The following CELF2 variants were observed in gnomAD, a reference collection of about 807,000 sequenced individuals.
The protein encoded by CELF2 is CUG triplet repeat RNA-binding protein 2.
In CELF2, 8 loss-of-function variants were observed where a neutral mutation model predicts 62.6. That is an observed-to-expected ratio of 0.13 (90% CI 0.07 to 0.23). CELF2 has a LOEUF of 0.23. Among genes scored for constraint, CELF2 ranks in the 10% least tolerant of loss-of-function variants. CELF2 has a pLI of 1.00. For missense variants in CELF2, 333 were observed against 671.0 expected (o/e 0.50, Z 5.56); for synonymous variants, 258 against 250.0 (o/e 1.03, Z -0.30).
In CELF2 at chr10:11,165,406, G is replaced by T; in HGVS notation, c.75-80G>T. On this transcript the variant is annotated intron_variant, in intron 1 of 12. Transcript: ENST00000633077. This position sits in a 1 kb window ranked among gnomAD's most constrained non-coding sequence, Gnocchi z 7.4. Reference sequence around the variant, plus strand: ...TTCTTCCTCCTCCTTCCGCCTCCCCGCTCCCCCACCCCCACTATTTTTTCT... The same window carrying T: ...TTCTTCCTCCTCCTTCCGCCTCCCCTCTCCCCCACCCCCACTATTTTTTCT... 1.4e-6 allele frequency: 2 copies of T among 1,478,596 alleles called. No individual in the cohort carries two copies. The highest frequency in any genetic ancestry group is 1.8e-6 in the Non-Finnish European group (2 of 1,103,600). 91.6% of individuals were successfully genotyped at this position (1,478,596 alleles called of 1,614,324 possible).
intron 1 of CELF2, among the ~76,000 whole-genome samples, chr10:10,820,923 C>T (rs1590790524): frequency 6.6e-6 from 1 of 152,140 alleles, no homozygotes; most frequent in Non-Finnish European, 1.5e-5. Context: ...GAGTGAATCT[C>T]GGAGAGCATT....
chr10:10,821,830 G>T (rs1385588574), intron 1 of CELF2, among the ~76,000 whole-genome samples: 2 of 152,110 alleles, frequency 1.3e-5, no homozygotes, highest in South Asian at 2.1e-4. Flanking sequence ...TTGTAGAAAT[G>T]AGGTCTTGCT....
chr10:11,195,191 A>G (rs536731665), intron 2 of CELF2, among the ~76,000 whole-genome samples: 2 of 152,334 alleles, frequency 1.3e-5, no homozygotes, highest in South Asian at 2.1e-4. Context: ...CAACAGAGTA[A>G]TGTCACACTT....
the CELF2 span, among the ~76,000 whole-genome samples, chr10:10,681,602 A>G: frequency 2.0e-5 from 3 of 152,178 alleles, no homozygotes; most frequent in African/African-American, 7.2e-5. Context: ...GCCATGAAAT[A>G]GTGCTGTTCT....
At chr10:10,766,625 T>C in the CELF2 span, among the ~76,000 whole-genome samples, 7 of 152,314 alleles carry the variant, frequency 4.6e-5, no homozygotes, top group African/African-American at 1.2e-4. Context: ...TAGGTGAGCC[T>C]TGGGGAGAGG....
chr10:11,166,818 G>GGT (rs1396879598), intron 2 of CELF2, among the ~76,000 whole-genome samples: 1 of 152,228 alleles, frequency 6.6e-6, no homozygotes, highest in Non-Finnish European at 1.5e-5. Flanking sequence ...GATAGAACTA[G>GGT]GAAATCTTTA....
intron 9 of CELF2, among the ~76,000 whole-genome samples, chr10:11,303,471 C>T (rs919580335): frequency 5.9e-5 from 9 of 152,222 alleles, no homozygotes; most frequent in Non-Finnish European, 1.0e-4. Context: ...TGCAGTTCCT[C>T]TTTTGAGGAC....
At chr10:10,653,698 T>C in the CELF2 span, among the ~76,000 whole-genome samples, 1 of 144,784 alleles carries the variant, frequency 6.9e-6, no homozygotes, top group East Asian at 2.0e-4. Context: ...TACCAGAATC[T>C]CTGGGATGCA....
chr10:10,600,105 C>T, the CELF2 span, among the ~76,000 whole-genome samples: 2 of 152,274 alleles, frequency 1.3e-5, no homozygotes, highest in Non-Finnish European at 2.9e-5. Flanking sequence ...CCAGTTATTA[C>T]CAGCTAATAG....
At chr10:10,563,280 G>T in the CELF2 span, among the ~76,000 whole-genome samples, 1 of 152,090 alleles carries the variant, frequency 6.6e-6, no homozygotes, top group Non-Finnish European at 1.5e-5. Context: ...AGGGTGGGAG[G>T]ATCTCAGAAG....
chr10:11,314,406 C>A lies in CELF2; in HGVS notation c.1096+148C>A. 1.0e-6 allele frequency: 1 copy of A among 987,630 alleles called. No homozygotes were observed. The highest frequency in any genetic ancestry group is 1.6e-6 in the Non-Finnish European group (1 of 636,030). The allele number at this position is 987,630 out of a possible 1,614,324, so 61.2% of individuals were successfully genotyped here. A position where few individuals can be genotyped will look rare whatever the true frequency, so the allele number is the denominator to read the frequency against. ...ATGGAGGAGCACATGCTTTGATAGG[C>A]AAAAGCTGTCTACACTCGTTTTGCC... is the stretch of plus-strand genomic sequence containing the variant. On this transcript the variant is annotated intron_variant, in intron 10 of 12. Transcript: ENST00000633077. The surrounding 1 kb of genome is among the most constrained non-coding windows in gnomAD (Gnocchi z 5.3).
intron 2 of CELF2, chr10:10,948,142 T>A (rs2047908005): frequency 6.6e-6 from 1 of 152,256 alleles, no homozygotes. Flanking sequence ...GAGAGAGGGA[T>A]GGAAACCACT....
chr10:10,756,354 GCATCAA>G, the CELF2 span, among the ~76,000 whole-genome samples: 1 of 152,128 alleles, frequency 6.6e-6, no homozygotes, highest in Non-Finnish European at 1.5e-5. Context: ...AGTTACTTTT[GCATCAA>G]CCTAATAAAT....
In CELF2 at chr10:11,177,633, G is replaced by T. The variant is rs2071713106; in HGVS notation, c.271+11951G>T. ...CCAGACAGCATGAAGTACCTCAACA[G>T]CAAAGAAGGAAATAGGGGCCTTAGT... On this transcript the variant is annotated intron_variant, in intron 2 of 12. Transcript: ENST00000633077. This position sits in a 1 kb window ranked among gnomAD's most constrained non-coding sequence, Gnocchi z 4.8. Among the ~76,000 whole-genome samples the T allele has an allele frequency of 6.6e-6, 1 of 152,198 alleles. No individual in the cohort carries two copies.
At chr10:10,510,183 G>T in the CELF2 span, among the ~76,000 whole-genome samples, 4 of 152,170 alleles carry the variant, frequency 2.6e-5, no homozygotes, top group African/African-American at 9.7e-5. Context: ...TGATCCCTCT[G>T]GATGGACATT....
rs906127198 is a variant in CELF2, at chr10:11,165,757, G to T, written c.271+75G>T. On this transcript the variant is annotated intron_variant, in intron 2 of 12. Coordinates refer to ENST00000633077, the MANE Select transcript of CELF2 (RefSeq NM_001326342.2). The surrounding 1 kb of genome is among the most constrained non-coding windows in gnomAD (Gnocchi z 7.4). ...GGCACTGGGGCTGTCCGAGCCCCCA[G>T]CCTGCAGGAGGAAGGGCGGGTAGGC... 1.8e-5 allele frequency: 25 copies of T among 1,374,760 alleles called. 1 individual carries two copies. The South Asian group carries it at 3.2e-4, about 17-fold the overall frequency. The allele number at this position is 1,374,760 out of a possible 1,614,324, so 85.2% of individuals were successfully genotyped here. A position where few individuals can be genotyped will look rare whatever the true frequency, so the allele number is the denominator to read the frequency against.
chr10:10,546,819 A>C, the CELF2 span, among the ~76,000 whole-genome samples: 1 of 151,352 alleles, frequency 6.6e-6, no homozygotes. Flanking sequence ...TTAAAACTTC[A>C]TATTCAGCCA....
the CELF2 span, among the ~76,000 whole-genome samples, chr10:10,697,815 T>A: frequency 4.6e-5 from 7 of 152,216 alleles, no homozygotes; most frequent in South Asian, 4.2e-4. Context: ...TGAGACAGGG[T>A]CTTGCTCTGT....
Position 11,165,645 on chromosome 10 carries a change from C to T in CELF2, c.234C>T (p.Val78=), listed in dbSNP as rs777735082. 1.9e-6 allele frequency: 3 copies of T among 1,614,108 alleles called. No homozygotes were observed. Among genetic ancestry groups the T allele is most frequent in the Admixed American group, 1.7e-5 (1 of 60,028 alleles). The change falls in exon 2 of 13, where the codon GTC becomes GTT. Residue 78 remains valine (V), a synonymous_variant. Transcript: ENST00000633077. The surrounding 1 kb of genome is among the most constrained non-coding windows in gnomAD (Gnocchi z 7.4). The part of the protein sequence containing the change: ...EPYGAVYQIN[V]LRDRSQNPPQ... ...ACGGAGCCGTCTACCAGATCAACGTCCTCCGGGACCGGAGTCAGAACCCTC... is the reference window on the plus strand; with the variant it reads ...ACGGAGCCGTCTACCAGATCAACGTTCTCCGGGACCGGAGTCAGAACCCTC...
Sources: gnomAD v4.1 joint callset for allele counts (sites outside exome capture counted in the v4.1 genomes callset) on GRCh38, gnomAD v4.1.1 for gene constraint, Gnocchi (gnomAD v3.1) non-coding constraint, MANE v1.5 for transcripts, NCBI Gene and HGNC (gene_info 2026-07-23, HGNC 2026-07-21) for gene names.